Variants in KALRN observed in about 807,000 individuals in gnomAD.
KALRN encodes the protein kalirin.
In KALRN, 70 loss-of-function variants were observed where a neutral mutation model predicts 353.7. That is an observed-to-expected ratio of 0.20 (90% confidence interval 0.16 to 0.24). The LOEUF (loss-of-function observed/expected upper bound fraction) is 0.24, where lower values mean the gene tolerates loss of function less well. Ranked by LOEUF, KALRN falls within the 10% of genes least tolerant of loss-of-function variation. KALRN has a pLI of 1.00. For synonymous variants in KALRN, 1,391 were observed against 1,434.8 expected (o/e 0.97, Z 0.69); for missense variants, 2,791 against 3,756.7 (o/e 0.74, Z 6.72).
At chr3:124,696,058 C>T (rs771117452) in intron 53 of KALRN, 76 bp from the exon 54 acceptor site, 101 of 1,530,756 alleles carry the variant, frequency 6.6e-5, no homozygotes, top group Non-Finnish European at 8.7e-5. Context: ...CACCATGGGC[C>T]AACCCTATGG....
At position 124,723,175 on chromosome 3, in the gene KALRN, T is replaced by C. The variant is rs943474341; in HGVS notation, c.*3705T>C. ...TGGTCCACAAAGCCTTTATAAATAGTAGTGCCTTTCAGAGGGGAGGATGGG... is the reference window on the plus strand; with the variant it reads ...TGGTCCACAAAGCCTTTATAAATAGCAGTGCCTTTCAGAGGGGAGGATGGG... On this transcript the variant is annotated 3_prime_UTR_variant, in exon 60 of 60. Coordinates refer to ENST00000682506, the MANE Select transcript of KALRN (RefSeq NM_001388419.1). The C allele has an allele frequency of 1.3e-5, 2 of 152,130 alleles. No individual in the cohort carries two copies. Among genetic ancestry groups the C allele is most frequent in the East Asian group, 3.9e-4 (2 of 5,194 alleles). 9.4% of individuals were successfully genotyped at this position (152,130 alleles called of 1,614,324 possible).
chr3:124,697,782 A>C, intron 55 of KALRN, 58 bp downstream of exon 55: 5 of 1,414,028 alleles, frequency 3.5e-6, no homozygotes, highest in Non-Finnish European at 4.7e-6. Context: ...TTTATTTTTA[A>C]AATTGCAGTA....
intron 1 of KALRN, among the ~76,000 whole-genome samples, chr3:124,217,778 T>C (rs2077487231): frequency 6.6e-6 from 1 of 152,198 alleles, no homozygotes; most frequent in African/African-American, 2.4e-5. Flanking sequence ...AGTTTGCTAG[T>C]TTGTTCAGTA....
chr3:124,555,507 A>G (rs959961273), intron 33 of KALRN, among the ~76,000 whole-genome samples: 1 of 151,992 alleles, frequency 6.6e-6, no homozygotes, highest in African/African-American at 2.4e-5. Flanking sequence ...GTTCTTGTGG[A>G]TTTGTGTCTC....
At chr3:124,718,687 T>C (rs2063281499) in intron 59 of KALRN, among the ~76,000 whole-genome samples, 1 of 152,196 alleles carries the variant, frequency 6.6e-6, no homozygotes, top group Non-Finnish European at 1.5e-5. Context: ...TAAGAAAACA[T>C]GATTTTCAAT....
intron 27 of KALRN, among the ~76,000 whole-genome samples, chr3:124,478,843 T>C (rs2061676349): frequency 6.6e-6 from 1 of 152,228 alleles, no homozygotes. Flanking sequence ...CTCTTCTGCT[T>C]CCTGTCTTTG....
At chr3:124,034,009 G>C (rs1162622580) in intron 1 of KALRN, among the ~76,000 whole-genome samples, 196 bp downstream of exon 1, 3 of 151,858 alleles carry the variant, frequency 2.0e-5, no homozygotes, top group Admixed American at 6.5e-5. Flanking sequence ...GGGCGTGGGG[G>C]CTGGGAACTC....
At chr3:124,217,662 T>C (rs2077472532) in intron 1 of KALRN, among the ~76,000 whole-genome samples, 1 of 152,182 alleles carries the variant, frequency 6.6e-6, no homozygotes, top group Admixed American at 6.5e-5. Context: ...TTGGTTGGCA[T>C]ATCCTAAGAC....
intron 13 of KALRN, among the ~76,000 whole-genome samples, chr3:124,400,699 AT>A (rs1233055954): frequency 6.6e-6 from 1 of 152,220 alleles, no homozygotes; most frequent in African/African-American, 2.4e-5. Flanking sequence ...CTTTAGTAAT[AT>A]GGATTGAGAT....
intron 13 of KALRN, among the ~76,000 whole-genome samples, chr3:124,405,754 C>T (rs567572786): frequency 5.3e-5 from 8 of 150,814 alleles, no homozygotes; most frequent in African/African-American, 2.0e-4. Flanking sequence ...CGCCATTCTC[C>T]TGCCTCAGCC....
chr3:124,165,205 T>A (rs2070638646), intron 1 of KALRN, among the ~76,000 whole-genome samples: 1 of 152,222 alleles, frequency 6.6e-6, no homozygotes, highest in South Asian at 2.1e-4. Context: ...TAAAATATAA[T>A]CTTTAGAAAA....
At chr3:124,699,802 C>G in intron 55 of KALRN, 67 bp from the exon 56 acceptor site, 1 of 1,473,586 alleles carries the variant, frequency 6.8e-7, no homozygotes, top group South Asian at 1.2e-5. Context: ...TCTTTGTTTG[C>G]TGAAGGTCTT....
chr3:124,058,580 C>G (rs561617171), intron 1 of KALRN, among the ~76,000 whole-genome samples: 1 of 152,310 alleles, frequency 6.6e-6, no homozygotes, highest in Admixed American at 6.5e-5. Flanking sequence ...TTTGAATCTA[C>G]ATATCTCTCT....
At position 124,076,533 on chromosome 3, in the gene KALRN, G is replaced by A. The variant is rs73857594; in HGVS notation, c.73+42720G>A. 2.4e-3 allele frequency among the ~76,000 whole-genome samples: 365 copies of A among 152,284 alleles called. 2 individuals are homozygous for A. The highest frequency in any genetic ancestry group is 8.4e-3 in the African/African-American group (348 of 41,558). ...CCGCTGTAGCAAGCCCTTGCTCCTC[G>A]GAGGAGCCCGCATCTTCCATTGAGG... On this transcript the variant is annotated intron_variant, in intron 1 of 59. Transcript: ENST00000682506.
intron 33 of KALRN, among the ~76,000 whole-genome samples, chr3:124,525,729 C>T (rs1349600506): frequency 6.6e-6 from 1 of 152,202 alleles, no homozygotes; most frequent in East Asian, 1.9e-4. Flanking sequence ...CTCAGACTTT[C>T]CTGTGTTCTC....
intron 27 of KALRN, among the ~76,000 whole-genome samples, chr3:124,482,050 T>C (rs2062044431): frequency 6.6e-6 from 1 of 152,104 alleles, no homozygotes; most frequent in Non-Finnish European, 1.5e-5. Context: ...AGAGAGTAGA[T>C]TAAAAGGAGA....
intron 19 of KALRN, among the ~76,000 whole-genome samples, chr3:124,445,091 G>T (rs1490516919): frequency 6.6e-6 from 1 of 152,126 alleles, no homozygotes; most frequent in Non-Finnish European, 1.5e-5. Flanking sequence ...GATTTGGCCC[G>T]AATCTGAACT....
chr3:124,705,849 T>TTCCC (rs1183890696), intron 57 of KALRN, among the ~76,000 whole-genome samples: 5 of 147,808 alleles, frequency 3.4e-5, no homozygotes, highest in East Asian at 2.3e-4. Flanking sequence ...CCTTCCTTCC[T>TTCCC]TCCCTCCCTC....
rs564428245 is a variant in KALRN, at chr3:124,160,172, A to G, written c.74-67818A>G. On this transcript the variant is annotated intron_variant, in intron 1 of 59. Coordinates refer to ENST00000682506, the MANE Select transcript of KALRN (RefSeq NM_001388419.1). ...TAGATTAGGGTGGACCCTAAATCCA[A>G]TGACGGGTGTTCTTGTAAGAGGAAC... 5.3e-5 allele frequency among the ~76,000 whole-genome samples: 8 copies of G among 150,604 alleles called. No individual in the cohort carries two copies. The East Asian group carries it at 7.8e-4, about 15-fold the overall frequency.
Sources: gnomAD v4.1 joint callset for allele counts (sites outside exome capture counted in the v4.1 genomes callset) on GRCh38, gnomAD v4.1.1 for gene constraint, MANE v1.5 for transcripts, NCBI Gene and HGNC (gene_info 2026-07-23, HGNC 2026-07-21) for gene names.